The following SCNN1B variants were observed in gnomAD, a reference collection of about 807,000 sequenced individuals.
SCNN1B encodes the protein sodium channel epithelial 1 subunit beta.
A neutral mutation model predicts 65.3 loss-of-function variants in SCNN1B; 46 were observed. The ratio of observed to expected loss-of-function variants is 0.70; its 90% CI spans 0.56 to 0.90. The LOEUF (loss-of-function observed/expected upper bound fraction) is 0.90. Ranked by LOEUF, SCNN1B falls within the 40% of genes least tolerant of loss-of-function variation. SCNN1B has a pLI of 0.00. For synonymous variants in SCNN1B, 349 were observed against 330.6 expected, an observed-to-expected ratio of 1.06 and a Z score of -0.60; for missense variants, 751 against 830.5, an observed-to-expected ratio of 0.90 and a Z score of 1.18.
rs72654356 is a variant in SCNN1B at position 23,380,761 on chromosome 16, T to A, written c.1883T>A (p.Leu628Gln). ...TATGACTCCCTGCGTCTGCAGCCGCTGGACGTCATCGAGTCTGACAGTGAG... is the reference window on the plus strand; with the variant it reads ...TATGACTCCCTGCGTCTGCAGCCGCAGGACGTCATCGAGTCTGACAGTGAG... ...PNYDSLRLQPLDVIESDSEGD... is the reference protein window; with the variant it reads ...PNYDSLRLQPQDVIESDSEGD... Residue 628 changes from leucine (L) to glutamine (Q), a missense_variant, in exon 13 of 13, where the codon CTG (leucine) becomes CAG (glutamine). Physicochemically the swap from Leu to Gln is moderately radical, Grantham distance 113. Coordinates refer to ENST00000343070, the MANE Select transcript of SCNN1B (RefSeq NM_000336.3). This position sits in a 1 kb window ranked among gnomAD's most constrained non-coding sequence, Gnocchi z 5.4. 3.3e-4 allele frequency: 537 copies of A among 1,612,436 alleles called. 4 individuals carry two copies. In the African/African-American group the frequency reaches 6.6e-3, roughly 20 times the overall value.
At chr16:23,309,800 C>T (rs554067776) in intron 1 of SCNN1B, among the ~76,000 whole-genome samples, 33 of 152,218 alleles carry the variant, frequency 2.2e-4, no homozygotes, top group Non-Finnish European at 3.5e-4. Flanking sequence ...CGATACTTTG[C>T]ATCCTTCAAT....
intron 1 of SCNN1B, chr16:23,278,438 A>T (rs1324333183): frequency 1.3e-5 from 2 of 152,006 alleles, no homozygotes; most frequent in Non-Finnish European, 2.9e-5. Context: ...GTTTTGAGAC[A>T]GTCTCACACT....
At chr16:23,353,504 G>A (rs1008206172) in intron 3 of SCNN1B, among the ~76,000 whole-genome samples, 1 of 152,104 alleles carries the variant, frequency 6.6e-6, no homozygotes, top group African/African-American at 2.4e-5. Flanking sequence ...CAGAAAAAGA[G>A]CTCTTTCCCT....
intron 1 of SCNN1B, among the ~76,000 whole-genome samples, chr16:23,342,394 C>T (rs534963887): frequency 3.9e-5 from 6 of 152,274 alleles, no homozygotes; most frequent in African/African-American, 1.4e-4. Context: ...ATTACAGGCA[C>T]GTGCCACCAC....
At chr16:23,325,064 G>A (rs576803903) in intron 1 of SCNN1B, among the ~76,000 whole-genome samples, 2 of 152,302 alleles carry the variant, frequency 1.3e-5, no homozygotes, top group East Asian at 3.9e-4. Flanking sequence ...CTGTCAACAA[G>A]GGTATGGGAG....
At chr16:23,314,176 C>A (rs951007262) in intron 1 of SCNN1B, among the ~76,000 whole-genome samples, 1 of 151,992 alleles carries the variant, frequency 6.6e-6, no homozygotes, top group Non-Finnish European at 1.5e-5. Context: ...CACACCACTA[C>A]GGCCAGCTAA....
chr16:23,371,761 C>A lies in SCNN1B; in HGVS notation c.1045-15C>A, dbSNP rs373477307. 8.7e-6 allele frequency: 14 copies of A among 1,603,862 alleles called. No homozygotes were observed. The highest frequency in any genetic ancestry group is 2.2e-5 in the East Asian group (1 of 44,848). Reference sequence around the variant, plus strand: ...GGTGACCAGTGTCCCCCTCAAGCAACCCCTCTAAACACAGGACAAGCTTCA... The same window carrying A: ...GGTGACCAGTGTCCCCCTCAAGCAAACCCTCTAAACACAGGACAAGCTTCA... On this transcript the variant is annotated splice_polypyrimidine_tract_variant and intron_variant, in intron 6 of 12. Coordinates refer to ENST00000343070, the MANE Select transcript of SCNN1B (RefSeq NM_000336.3).
chr16:23,311,598 A>T (rs981536133), intron 1 of SCNN1B, among the ~76,000 whole-genome samples: 1 of 152,132 alleles, frequency 6.6e-6, no homozygotes, highest in Non-Finnish European at 1.5e-5. Context: ...CCCAGGAGGG[A>T]TTACCTTTGT....
intron 1 of SCNN1B, among the ~76,000 whole-genome samples, chr16:23,305,570 AT>A (rs1961193414): frequency 6.5e-5 from 2 of 30,636 alleles, no homozygotes; most frequent in African/African-American, 4.3e-4. Flanking sequence ...ATATATATAT[AT>A]ATATATTATA....
intron 1 of SCNN1B, among the ~76,000 whole-genome samples, chr16:23,283,017 C>T (rs1960803154): frequency 6.6e-6 from 1 of 152,202 alleles, no homozygotes; most frequent in African/African-American, 2.4e-5. Context: ...AGGCTAAGCC[C>T]CAACTTGGGG....
intron 1 of SCNN1B, among the ~76,000 whole-genome samples, chr16:23,315,288 G>C (rs1368918060): frequency 6.6e-6 from 1 of 152,004 alleles, no homozygotes; most frequent in African/African-American, 2.4e-5. Flanking sequence ...AGTGAGCCAA[G>C]ATCGCACCAT....
chr16:23,292,864 T>C (rs1278604258), intron 2 of SCNN1B, among the ~76,000 whole-genome samples: 2 of 150,036 alleles, frequency 1.3e-5, no homozygotes, highest in Non-Finnish European at 3.0e-5. Flanking sequence ...CCTGTAATCC[T>C]AGCACTTTGG....
intron 11 of SCNN1B, among the ~76,000 whole-genome samples, chr16:23,379,578 G>A (rs1405253261): frequency 1.3e-5 from 2 of 152,182 alleles, no homozygotes; most frequent in Non-Finnish European, 2.9e-5. Context: ...AGGACGATCA[G>A]GTGGGAGGGG....
chr16:23,334,054 T>C (rs1465968083), intron 1 of SCNN1B, among the ~76,000 whole-genome samples: 2 of 152,124 alleles, frequency 1.3e-5, no homozygotes, highest in Non-Finnish European at 2.9e-5. Flanking sequence ...GTAAGGTTGC[T>C]CCCTGCCCCA....
intron 4 of SCNN1B, among the ~76,000 whole-genome samples, chr16:23,363,830 G>A (rs1962598568): frequency 6.7e-6 from 1 of 148,662 alleles, no homozygotes; most frequent in African/African-American, 2.5e-5. Flanking sequence ...AAAAAAAAAG[G>A]AAGCTGATTT....
chr16:23,301,234 T>G (rs1567288309), upstream of SCNN1B, among the ~76,000 whole-genome samples: 1 of 151,768 alleles, frequency 6.6e-6, no homozygotes, highest in Non-Finnish European at 1.5e-5. Flanking sequence ...TGGTGGTGCA[T>G]GCCTGTAATC....
upstream of SCNN1B, among the ~76,000 whole-genome samples, chr16:23,299,167 C>G (rs149919611): frequency 4.7e-5 from 7 of 149,646 alleles, no homozygotes; most frequent in East Asian, 1.4e-3. Flanking sequence ...TCAAGTGATT[C>G]TCCCACCTCA....
At chr16:23,326,395 T>C (rs138979642) in intron 1 of SCNN1B, among the ~76,000 whole-genome samples, 64 of 152,340 alleles carry the variant, frequency 4.2e-4, no homozygotes, top group Middle Eastern at 6.8e-3. Context: ...TTCTGGTTAA[T>C]GCCATCTGTG....
In SCNN1B at chr16:23,380,496, T is replaced by C. The variant is rs764523455; in HGVS notation, c.1618T>C (p.Phe540Leu). The change falls in exon 13 of 13, where the codon TTT becomes CTT. Residue 540 changes from phenylalanine to leucine, a missense_variant. Physicochemically the swap from Phe to Leu is conservative, Grantham distance 22. Coordinates refer to ENST00000343070, the MANE Select transcript of SCNN1B (RefSeq NM_000336.3). This position sits in a 1 kb window ranked among gnomAD's most constrained non-coding sequence, Gnocchi z 5.4. ...MGGSVLCLIE[F>L]GEIIIDFVWI... is the part of the protein sequence containing the mutation. ...GGGCTCTGTGCTGTGCCTCATCGAG[T>C]TTGGGGAGATCATCATCGACTTTGT... 6.2e-7 allele frequency: 1 copy of C among 1,614,092 alleles called. No individual in the cohort carries two copies. Among genetic ancestry groups the C allele is most frequent in the Non-Finnish European group, 8.5e-7 (1 of 1,180,006 alleles).
Sources: allele counts gnomAD v4.1 joint callset (sites outside exome capture counted in the v4.1 genomes callset), GRCh38; gene constraint gnomAD v4.1.1; non-coding constraint Gnocchi (gnomAD v3.1); transcripts MANE v1.5; gene names NCBI Gene and HGNC (gene_info 2026-07-23, HGNC 2026-07-21).